The following ZNF831 variants were observed in gnomAD, a reference collection of about 807,000 sequenced individuals.
ZNF831 encodes the protein zinc finger protein 831.
ZNF831 carries 59 observed loss-of-function variants against 95.8 expected under a neutral mutation model. The observed-to-expected ratio is 0.62, with a 90% confidence interval of 0.50 to 0.77. The LOEUF is 0.77. ZNF831 is among the 30% of genes least tolerant of loss of function. The probability of loss-of-function intolerance (pLI) is 0.00; values close to 1 mark genes in which losing one functional copy is unlikely to be tolerated. For missense variants in ZNF831, 2,205 were observed against 2,164.0 expected, an observed-to-expected ratio of 1.02 and a Z score of -0.38; for synonymous variants, 961 against 925.5, an observed-to-expected ratio of 1.04 and a Z score of -0.70.
intron 1 of ZNF831, among the ~76,000 whole-genome samples, chr20:59,189,537 A>T (rs567346721): frequency 6.6e-6 from 1 of 152,048 alleles, no homozygotes; most frequent in South Asian, 2.1e-4. Flanking sequence ...TTTGAGACAG[A>T]GTTTCACTTT....
At chr20:59,226,493 G>C (rs1402902749) in intron 4 of ZNF831, among the ~76,000 whole-genome samples, 1 of 151,880 alleles carries the variant, frequency 6.6e-6, no homozygotes, top group Non-Finnish European at 1.5e-5. Flanking sequence ...TTTCACAAGA[G>C]CCCAAGTTAT....
At chr20:59,126,882 G>A (rs1462433881) in intron 1 of ZNF831, among the ~76,000 whole-genome samples, 1 of 152,182 alleles carries the variant, frequency 6.6e-6, no homozygotes, top group African/African-American at 2.4e-5. Flanking sequence ...GTGTTGGGCT[G>A]CAGGACCCGT....
At chr20:59,154,648 T>A (rs1213109420) in intron 2 of ZNF831, among the ~76,000 whole-genome samples, 1 of 152,254 alleles carries the variant, frequency 6.6e-6, no homozygotes. Context: ...CTATGTCATC[T>A]GTCCCCGGCA....
chr20:59,189,969 T>C (rs942851449), intron 1 of ZNF831, among the ~76,000 whole-genome samples: 3 of 152,196 alleles, frequency 2.0e-5, no homozygotes, highest in Non-Finnish European at 4.4e-5. Flanking sequence ...GACCCCTGAT[T>C]CTCTAGTCAC....
At chr20:59,235,212 C>T (rs1600667944) in intron 4 of ZNF831, among the ~76,000 whole-genome samples, 1 of 152,082 alleles carries the variant, frequency 6.6e-6, no homozygotes, top group African/African-American at 2.4e-5. Flanking sequence ...CCATTTTCAT[C>T]GTGCCACAGC....
rs1983821522 is a variant in ZNF831, at chr20:59,193,710, G to A, written c.2691G>A (p.Val897=). 1 of 1,612,586 alleles carries A rather than the reference G, an allele frequency of 6.2e-7. No homozygotes were observed. Among genetic ancestry groups the A allele is most frequent in the Non-Finnish European group, 8.5e-7 (1 of 1,179,432 alleles). The part of the protein sequence containing the change: ...LAAASVALKR[V]GPRDKATPLH... ...CTGCTTCTGTTGCCCTGAAGAGGGT[G>A]GGGCCAAGGGACAAGGCTACCCCAC... is the stretch of plus-strand genomic sequence containing the variant. Residue 897 remains valine (V), a synonymous_variant, in exon 2 of 6, where the codon GTG becomes GTA. Coordinates refer to ENST00000371030, the MANE Select transcript of ZNF831 (RefSeq NM_178457.3).
At position 59,191,856 on chromosome 20, in the gene ZNF831, T is replaced by C. The variant is rs2146555157; in HGVS notation, c.837T>C (p.Pro279=). The C allele has an allele frequency of 9.3e-6, 15 of 1,613,254 alleles. No homozygotes were observed. Among genetic ancestry groups the C allele is most frequent in the Non-Finnish European group, 1.3e-5 (15 of 1,179,962 alleles). The change falls in exon 2 of 6, where the codon CCT becomes CCC. Residue 279 remains proline, a synonymous_variant. Transcript: ENST00000371030. ...PGSAFADREA[P]WDSAPMASPG... is the part of the protein sequence containing the mutation. ...CCGCATTTGCCGACAGAGAGGCTCC[T>C]TGGGACTCTGCCCCCATGGCGTCAC...
Position 59,257,600 on chromosome 20 carries a change from G to A in ZNF831, c.*2857G>A, listed in dbSNP as rs1988243049. 6.6e-6 allele frequency: 1 copy of A among 152,166 alleles called. No homozygotes were observed. The highest frequency in any genetic ancestry group is 2.4e-5 in the African/African-American group (1 of 41,430). 9.4% of individuals were successfully genotyped at this position (152,166 alleles called of 1,614,324 possible). ...GTATTATCAATTGATAACTACCACA[G>A]TTTTATACTCTGCAAGTGTGTACTG... On this transcript the variant is annotated 3_prime_UTR_variant, in exon 6 of 6. Coordinates refer to ENST00000371030, the MANE Select transcript of ZNF831 (RefSeq NM_178457.3).
At chr20:59,215,831 A>G (rs552812351) in intron 4 of ZNF831, among the ~76,000 whole-genome samples, 15 of 152,376 alleles carry the variant, frequency 9.8e-5, no homozygotes, top group African/African-American at 3.6e-4. Context: ...TGAAAAGTTA[A>G]TATTATGTGC....
intron 4 of ZNF831, among the ~76,000 whole-genome samples, chr20:59,220,252 CA>C (rs1289090757): frequency 6.6e-6 from 1 of 152,166 alleles, no homozygotes; most frequent in African/African-American, 2.4e-5. Context: ...ATGAGGATCT[CA>C]GGGATGGAAC....
chr20:59,188,721 C>T (rs11908012), intron 1 of ZNF831, among the ~76,000 whole-genome samples: 5,506 of 152,150 alleles, frequency 0.036, 358 homozygotes, highest in African/African-American at 0.13. Context: ...TGTAAGAGTT[C>T]TTTGTATATT....
chr20:59,123,679 G>A (rs1601286601), intron 1 of ZNF831, among the ~76,000 whole-genome samples: 1 of 152,342 alleles, frequency 6.6e-6, no homozygotes, highest in East Asian at 1.9e-4. Context: ...GAAAGCTCAA[G>A]GAGAGCGATG....
chr20:59,204,628 G>C (rs897151174), intron 3 of ZNF831, among the ~76,000 whole-genome samples: 1 of 152,220 alleles, frequency 6.6e-6, no homozygotes, highest in Admixed American at 6.5e-5. Flanking sequence ...GGAGTGGGCT[G>C]TGTACACCTG....
rs1424092413 is a variant in ZNF831 at position 59,217,441 on chromosome 20, C to T, written c.4027+10385C>T. Among the ~76,000 whole-genome samples, 2 of 152,236 alleles carry T rather than the reference C, an allele frequency of 1.3e-5. No homozygotes were observed. Among genetic ancestry groups the T allele is most frequent in the Non-Finnish European group, 2.9e-5 (2 of 68,048 alleles). ...ACACACTGTTTATATCTCCTTAGCC[C>T]AGGCAGGGTTTGCTCTAGGGAATAA... is the stretch of plus-strand genomic sequence containing the variant. On this transcript the variant is annotated intron_variant, in intron 4 of 5. Transcript: ENST00000371030. This position sits in a 1 kb window ranked among gnomAD's most constrained non-coding sequence, Gnocchi z 4.4.
intron 4 of ZNF831, among the ~76,000 whole-genome samples, chr20:59,223,959 C>G (rs1312907741): frequency 6.6e-6 from 1 of 152,222 alleles, no homozygotes; most frequent in Non-Finnish European, 1.5e-5. Context: ...AGTCATCTCT[C>G]CCTGTCATCC....
intron 1 of ZNF831, among the ~76,000 whole-genome samples, chr20:59,128,117 T>A (rs1386882287): frequency 6.6e-6 from 1 of 152,228 alleles, no homozygotes; most frequent in Non-Finnish European, 1.5e-5. Flanking sequence ...ATGTAAATTT[T>A]CATTTATGTA....
intron 4 of ZNF831, among the ~76,000 whole-genome samples, chr20:59,250,279 C>G (rs1987819717): frequency 6.6e-6 from 1 of 152,140 alleles, no homozygotes; most frequent in African/African-American, 2.4e-5. Context: ...TATGAGCCCC[C>G]AGAATCTCTT....
intron 4 of ZNF831, among the ~76,000 whole-genome samples, chr20:59,240,041 T>C (rs1335101613): frequency 6.6e-6 from 1 of 151,784 alleles, no homozygotes; most frequent in African/African-American, 2.4e-5. Flanking sequence ...AGTGGAAGCG[T>C]GGAAGACTCT....
At chr20:59,231,161 A>C (rs1986700013) in intron 4 of ZNF831, among the ~76,000 whole-genome samples, 1 of 152,244 alleles carries the variant, frequency 6.6e-6, no homozygotes, top group Non-Finnish European at 1.5e-5. Flanking sequence ...ATATCGCTTT[A>C]GCCAGAAATG....
Sources: gnomAD v4.1 joint callset for allele counts (sites outside exome capture counted in the v4.1 genomes callset) on GRCh38, gnomAD v4.1.1 for gene constraint, Gnocchi (gnomAD v3.1) non-coding constraint, MANE v1.5 for transcripts, NCBI Gene and HGNC (gene_info 2026-07-23, HGNC 2026-07-21) for gene names.